PCDHA7: variants seen among roughly 807,000 people sequenced by gnomAD.
PCDHA7 encodes the protein protocadherin alpha 7.
PCDHA7 carries 37 observed loss-of-function variants against 57.2 expected under a neutral mutation model. The observed-to-expected ratio is 0.65, with a 90% confidence interval of 0.50 to 0.85. PCDHA7 has a LOEUF of 0.85. PCDHA7 is among the 40% of genes least tolerant of loss of function. The pLI is 0.00. For synonymous variants in PCDHA7, 553 were observed against 558.8 expected (o/e 0.99, Z 0.15); for missense variants, 1,188 against 1,241.8 (o/e 0.96, Z 0.65).
In PCDHA7 at chr5:141,011,040, A is replaced by G. The variant is rs1467029720; in HGVS notation, c.*1103A>G. On this transcript the variant is annotated 3_prime_UTR_variant, in exon 4 of 4. Transcript: ENST00000525929. ...AATCACAGCTTTACTCTTTCAGGTCACTCTGGGGCTGCCTCTTGCATGTAT... is the reference window on the plus strand; with the variant it reads ...AATCACAGCTTTACTCTTTCAGGTCGCTCTGGGGCTGCCTCTTGCATGTAT... 1 of 153,602 alleles carries G rather than the reference A, an allele frequency of 6.5e-6. No homozygotes were observed. The highest frequency in any genetic ancestry group is 2.4e-5 in the African/African-American group (1 of 41,374). The allele number at this position is 153,602 out of a possible 1,614,324, so 9.5% of individuals were successfully genotyped here.
intron 1 of PCDHA7, among the ~76,000 whole-genome samples, chr5:140,969,721 C>A (rs1399042401): frequency 6.6e-5 from 10 of 152,126 alleles, no homozygotes; most frequent in African/African-American, 2.2e-4. Context: ...GGAAATTTTT[C>A]TTTTGAAATC....
At chr5:140,880,068 A>G (rs2058226577) in intron 1 of PCDHA7, among the ~76,000 whole-genome samples, 1 of 152,252 alleles carries the variant, frequency 6.6e-6, no homozygotes, top group South Asian at 2.1e-4. Flanking sequence ...TTTGGGGACC[A>G]CAATTCAACC....
At chr5:141,002,449 C>G (rs2098081029) in intron 3 of PCDHA7, among the ~76,000 whole-genome samples, 1 of 152,192 alleles carries the variant, frequency 6.6e-6, no homozygotes, top group African/African-American at 2.4e-5. Flanking sequence ...ATAATTGGCA[C>G]ATTTGTATAA....
At chr5:140,991,440 C>T (rs2097452926) in intron 3 of PCDHA7, among the ~76,000 whole-genome samples, 1 of 152,190 alleles carries the variant, frequency 6.6e-6, no homozygotes, top group Non-Finnish European at 1.5e-5. Context: ...AACTTCATGG[C>T]TTAAAACAAC....
intron 3 of PCDHA7, among the ~76,000 whole-genome samples, chr5:140,990,648 A>G (rs2097404919): frequency 2.0e-5 from 3 of 152,220 alleles, no homozygotes; most frequent in Admixed American, 1.3e-4. Flanking sequence ...CTCAGCCAGT[A>G]TGAATGATTT....
At chr5:140,948,321 T>C (rs922752818) in intron 1 of PCDHA7, among the ~76,000 whole-genome samples, 7 of 151,748 alleles carry the variant, frequency 4.6e-5, no homozygotes, top group South Asian at 4.1e-4. Flanking sequence ...AGGGGTAATG[T>C]TTTCATTAGG....
chr5:140,874,216 C>A (rs1482061600), intron 1 of PCDHA7, among the ~76,000 whole-genome samples: 1 of 152,146 alleles, frequency 6.6e-6, no homozygotes, highest in African/African-American at 2.4e-5. Flanking sequence ...TTATTATATG[C>A]AGTAGGAATG....
intron 1 of PCDHA7, chr5:140,871,391 C>T: frequency 6.2e-7 from 1 of 1,614,170 alleles, no homozygotes; most frequent in Non-Finnish European, 8.5e-7. Flanking sequence ...GAGGAGGGCC[C>T]ACCTAAGACG....
At chr5:140,891,888 T>C (rs1562860973) in intron 1 of PCDHA7, among the ~76,000 whole-genome samples, 1 of 152,212 alleles carries the variant, frequency 6.6e-6, no homozygotes, top group Non-Finnish European at 1.5e-5. Context: ...CATGTGACGA[T>C]GCAGCAAGAA....
At chr5:140,937,142 A>G (rs1362886135) in intron 1 of PCDHA7, among the ~76,000 whole-genome samples, 1 of 147,852 alleles carries the variant, frequency 6.8e-6, no homozygotes, top group Non-Finnish European at 1.5e-5. Context: ...GGTTCATGCC[A>G]TTCTCCTGCC....
chr5:140,847,343 G>C (rs1554141738), intron 1 of PCDHA7: 1 of 149,722 alleles, frequency 6.7e-6, no homozygotes, highest in Non-Finnish European at 1.5e-5. Flanking sequence ...CACCTCTTAG[G>C]CTGTTATCAG....
chr5:140,973,803 G>C (rs1232498397), intron 1 of PCDHA7, among the ~76,000 whole-genome samples: 2 of 152,214 alleles, frequency 1.3e-5, no homozygotes, highest in African/African-American at 2.4e-5. Flanking sequence ...CTGTCTACTT[G>C]ACAGAATAGC....
Position 141,011,938 on chromosome 5 carries a change from T to TA in PCDHA7, c.*2008dup, listed in dbSNP as rs1489019865. 2.6e-5 allele frequency: 4 copies of TA among 153,644 alleles called. No individual in the cohort carries two copies. The highest frequency in any genetic ancestry group is 6.5e-5 in the Admixed American group (1 of 15,278). The allele number at this position is 153,644 out of a possible 1,614,324, so 9.5% of individuals were successfully genotyped here. A position where few individuals can be genotyped will look rare whatever the true frequency, so the allele number is the denominator to read the frequency against. ...ATAAAAGAGGTAGGAGTCTGTTATT[T>TA]AAAAAAAGCATTAAATTTAAAAAAA... On this transcript the variant is annotated 3_prime_UTR_variant, in exon 4 of 4. Transcript: ENST00000525929.
chr5:140,875,028 G>C (rs1321534427), intron 1 of PCDHA7, among the ~76,000 whole-genome samples: 1 of 152,198 alleles, frequency 6.6e-6, no homozygotes, highest in Non-Finnish European at 1.5e-5. Flanking sequence ...CTGGCCTACT[G>C]TATTTGAAAG....
chr5:140,852,151 C>T, intron 1 of PCDHA7: 1 of 861,106 alleles, frequency 1.2e-6, no homozygotes, highest in Non-Finnish European at 1.4e-6. Context: ...ATCAGAATGG[C>T]CTTGAGAATA....
At chr5:140,845,368 C>A (rs1281318130) in intron 1 of PCDHA7, among the ~76,000 whole-genome samples, 1 of 149,482 alleles carries the variant, frequency 6.7e-6, no homozygotes, top group African/African-American at 2.4e-5. Context: ...TACAAAATAT[C>A]ATAAATAGGA....
intron 1 of PCDHA7, among the ~76,000 whole-genome samples, chr5:140,946,700 G>T (rs2094011625): frequency 6.7e-6 from 1 of 148,322 alleles, no homozygotes; most frequent in African/African-American, 2.5e-5. Flanking sequence ...GGATGAATCT[G>T]GAGGTCATTA....
chr5:140,883,518 G>A, intron 1 of PCDHA7: 2 of 1,614,234 alleles, frequency 1.2e-6, no homozygotes, highest in South Asian at 1.1e-5. Flanking sequence ...GACCGCGAGA[G>A]CGTATCAGCC....
intron 1 of PCDHA7, among the ~76,000 whole-genome samples, chr5:140,970,178 A>T (rs1190328996): frequency 6.6e-6 from 1 of 152,214 alleles, no homozygotes; most frequent in East Asian, 1.9e-4. Context: ...GCATACTCTG[A>T]ATTCATTGTA....
Sources: allele counts gnomAD v4.1 joint callset (sites outside exome capture counted in the v4.1 genomes callset), GRCh38; gene constraint gnomAD v4.1.1; transcripts MANE v1.5; gene names NCBI Gene and HGNC (gene_info 2026-07-23, HGNC 2026-07-21).